Variants in TF observed in about 807,000 individuals in gnomAD.
TF encodes serotransferrin.
A neutral mutation model predicts 82.4 loss-of-function variants in TF; 55 were observed. That is an observed-to-expected ratio of 0.67 (90% CI 0.54 to 0.84). The LOEUF is 0.84. Ranked by LOEUF, TF falls within the 40% of genes least tolerant of loss-of-function variation. The probability of loss-of-function intolerance (pLI) is 0.00; values close to 1 mark genes in which losing one functional copy is unlikely to be tolerated. For missense variants in TF, 737 were observed against 868.4 expected (o/e 0.85, Z 1.90); for synonymous variants, 332 against 332.6 (o/e 1.00, Z 0.02).
In TF at chr3:133,775,415, C is replaced by T. The variant is rs1170216501; in HGVS notation, c.1688-18C>T. 1.2e-6 allele frequency: 2 copies of T among 1,614,132 alleles called. No individual in the cohort carries two copies. Among genetic ancestry groups the T allele is most frequent in the South Asian group, 2.2e-5 (2 of 91,078 alleles). ...TTGACCAAAGCCATCAGCTGAACCA[C>T]CTTCTTCCTGTCCCTAGGAAAAAAC... is the stretch of plus-strand genomic sequence containing the variant. On this transcript the variant is annotated intron_variant, in intron 14 of 16. Transcript: ENST00000402696.
the TF span, chr3:133,662,069 G>T: frequency 6.6e-6 from 1 of 152,312 alleles, no homozygotes; most frequent in East Asian, 1.9e-4. Context: ...TTCAGGGAAA[G>T]CTTGGGCCGG....
the TF span, among the ~76,000 whole-genome samples, chr3:133,705,192 T>G: frequency 6.6e-6 from 1 of 151,758 alleles, no homozygotes; most frequent in African/African-American, 2.4e-5. Flanking sequence ...GAGAATCGCT[T>G]GAACCTGGGA....
rs1442156793 is a variant in TF, at chr3:133,795,320, C to T, written c.*16700C>T. ...TCCTCCTGATAGTCATAATAATAGT[C>T]TCCCTGGTGTGCTGTATTCTCTCAA... On this transcript the variant is annotated 3_prime_UTR_variant, in exon 17 of 17. Transcript: ENST00000402696. 1 of 152,170 alleles carries T rather than the reference C, an allele frequency of 6.6e-6. No homozygotes were observed. The highest frequency in any genetic ancestry group is 2.4e-5 in the African/African-American group (1 of 41,430). The allele number at this position is 152,170 out of a possible 1,614,324, so 9.4% of individuals were successfully genotyped here.
intron 14 of TF, among the ~76,000 whole-genome samples, chr3:133,772,450 C>T (rs534981204): frequency 4.6e-5 from 7 of 152,350 alleles, no homozygotes; most frequent in Non-Finnish European, 7.3e-5. Flanking sequence ...CCATTCCAGT[C>T]TATTTCCCAA....
At chr3:133,676,813 T>C in the TF span, among the ~76,000 whole-genome samples, 30 of 152,378 alleles carry the variant, frequency 2.0e-4, 1 homozygote, top group African/African-American at 7.2e-4. Flanking sequence ...TCTCTCGTCC[T>C]GGCAATGTCA....
At chr3:133,736,622 ATGG>A in the TF span, among the ~76,000 whole-genome samples, 1 of 117,542 alleles carries the variant, frequency 8.5e-6, no homozygotes. Context: ...TACCAAGCAA[ATGG>A]AAAGCCAAAA....
the TF span, among the ~76,000 whole-genome samples, chr3:133,697,932 G>T: frequency 0.039 from 5,949 of 152,250 alleles, 405 homozygotes; most frequent in African/African-American, 0.13. Flanking sequence ...TAAGGCATAA[G>T]CAATAGGGCA....
At chr3:133,669,292 G>A in the TF span, among the ~76,000 whole-genome samples, 3 of 152,172 alleles carry the variant, frequency 2.0e-5, no homozygotes, top group South Asian at 2.1e-4. Flanking sequence ...ATAAGCCACC[G>A]TGCCCAGCCA....
the TF span, among the ~76,000 whole-genome samples, chr3:133,735,652 A>G: frequency 8.5e-5 from 13 of 152,254 alleles, no homozygotes; most frequent in African/African-American, 3.1e-4. Context: ...AACTTTGTGA[A>G]GCATACACAA....
chr3:133,698,012 C>T, the TF span, among the ~76,000 whole-genome samples: 1 of 152,344 alleles, frequency 6.6e-6, no homozygotes, highest in Admixed American at 6.5e-5. Flanking sequence ...CCTGTGATAA[C>T]AAGACTGTCT....
At chr3:133,728,734 T>C in the TF span, among the ~76,000 whole-genome samples, 2 of 152,238 alleles carry the variant, frequency 1.3e-5, no homozygotes, top group South Asian at 4.1e-4. Flanking sequence ...GGCACTCTGC[T>C]TTTTAGAGTT....
At chr3:133,705,584 A>T in the TF span, among the ~76,000 whole-genome samples, 1 of 152,252 alleles carries the variant, frequency 6.6e-6, no homozygotes, top group African/African-American at 2.4e-5. Context: ...AGAAGAGGGT[A>T]AAATGGGCTT....
At chr3:133,681,332 G>A in the TF span, among the ~76,000 whole-genome samples, 2 of 152,306 alleles carry the variant, frequency 1.3e-5, no homozygotes, top group Admixed American at 6.5e-5. Context: ...TCATCTCACT[G>A]GGTCTTGTTG....
At chr3:133,690,104 G>A in the TF span, among the ~76,000 whole-genome samples, 1 of 151,404 alleles carries the variant, frequency 6.6e-6, no homozygotes, top group African/African-American at 2.4e-5. Flanking sequence ...AAAAGACATA[G>A]ACATAACTAG....
the TF span, among the ~76,000 whole-genome samples, chr3:133,728,568 A>G: frequency 5.9e-5 from 9 of 152,238 alleles, no homozygotes; most frequent in South Asian, 1.9e-3. Flanking sequence ...AATTTTTTTC[A>G]AAGTTTATAA....
At chr3:133,700,899 C>T in the TF span, 1 of 152,720 alleles carries the variant, frequency 6.5e-6, no homozygotes, top group African/African-American at 2.4e-5. Flanking sequence ...TTGGAAAAGA[C>T]AAGTCGTCAG....
At chr3:133,673,689 C>G in the TF span, among the ~76,000 whole-genome samples, 2 of 151,394 alleles carry the variant, frequency 1.3e-5, no homozygotes, top group African/African-American at 4.8e-5. Context: ...TAATGGGTAC[C>G]TTTGTGGGAG....
Position 133,778,897 on chromosome 3 carries a change from G to T in TF, c.*277G>T. 1 of 380,262 alleles carries T rather than the reference G, an allele frequency of 2.6e-6. No individual in the cohort carries two copies. Among genetic ancestry groups the T allele is most frequent in the Non-Finnish European group, 5.0e-6 (1 of 200,158 alleles). The allele number at this position is 380,262 out of a possible 1,614,324, so 23.6% of individuals were successfully genotyped here. On this transcript the variant is annotated 3_prime_UTR_variant, in exon 17 of 17. Coordinates refer to ENST00000402696, the MANE Select transcript of TF (RefSeq NM_001063.4). ...TTCCTTCTCAGCTCAAGATTCGTCT[G>T]GTCTTTCCCTACAGCTTTGTGTGTG...
chr3:133,684,248 C>T, the TF span, among the ~76,000 whole-genome samples: 369 of 152,246 alleles, frequency 2.4e-3, 1 homozygote, highest in African/African-American at 8.4e-3. Flanking sequence ...CAAGAGAAGG[C>T]AGGAAAGCTC....
Sources: allele counts gnomAD v4.1 joint callset (sites outside exome capture counted in the v4.1 genomes callset), GRCh38; gene constraint gnomAD v4.1.1; transcripts MANE v1.5; gene names NCBI Gene and HGNC (gene_info 2026-07-23, HGNC 2026-07-21).